The following SGO2 variants were observed in gnomAD, a reference collection of about 807,000 sequenced individuals.
SGO2 encodes shugoshin 2, also known as shugoshin-like 2.
A neutral mutation model predicts 99.5 loss-of-function variants in SGO2; 68 were observed. The ratio of observed to expected loss-of-function variants is 0.68; its 90% CI spans 0.56 to 0.84. The LOEUF is 0.84. Among genes scored for constraint, SGO2 ranks in the 40% least tolerant of loss-of-function variants. SGO2 has a pLI of 0.00. For synonymous variants in SGO2, 457 were observed against 487.1 expected (o/e 0.94, Z 0.81); for missense variants, 1,350 against 1,436.7 (o/e 0.94, Z 0.97).
In SGO2 at chr2:200,571,337, G is replaced by A. The variant is rs1238883548; in HGVS notation, c.991G>A (p.Gly331Ser). 1 of 1,612,758 alleles carries A rather than the reference G, an allele frequency of 6.2e-7. No individual in the cohort carries two copies. The highest frequency in any genetic ancestry group is 1.1e-5 in the South Asian group (1 of 91,020). ...GCAAAGAAATAAACAGGATCTTCCT[G>A]GCTTATCTTCTGAGTCTGCCAGAGA... ...EMQRNKQDLP[G>S]LSSESAREPN... The change falls in exon 7 of 9, where the codon GGC (glycine) becomes AGC (serine). Residue 331 changes from glycine (G) to serine (S), a missense_variant. Gly to Ser is a moderately conservative substitution (Grantham distance 56). Coordinates refer to ENST00000357799, the MANE Select transcript of SGO2 (RefSeq NM_152524.6).
At chr2:200,531,418 A>G (rs1199834443) in intron 1 of SGO2, among the ~76,000 whole-genome samples, 1 of 152,160 alleles carries the variant, frequency 6.6e-6, no homozygotes, top group Non-Finnish European at 1.5e-5. Flanking sequence ...AGGGAAGATG[A>G]ATGGTCTGCA....
chr2:200,543,292 A>G (rs2032052530), intron 5 of SGO2: 4 of 152,308 alleles, frequency 2.6e-5, no homozygotes, highest in Admixed American at 2.6e-4. Context: ...CGACAGAGCA[A>G]GACTCTGTCT....
chr2:200,536,621 C>T (rs1287265875), intron 4 of SGO2, among the ~76,000 whole-genome samples: 1 of 152,110 alleles, frequency 6.6e-6, no homozygotes, highest in African/African-American at 2.4e-5. Flanking sequence ...CTGAGGTCAA[C>T]ATCTAGATTA....
At position 200,526,768 on chromosome 2, in the gene SGO2, A is replaced by G. The variant is rs999576; in HGVS notation, c.-3+516A>G. ...AGGATTTCAGTAGAGAATAGGGACA[A>G]TGATTTTTTAGATGAGGTATCCAAT... On this transcript the variant is annotated intron_variant, in intron 1 of 8. Coordinates refer to ENST00000357799, the MANE Select transcript of SGO2 (RefSeq NM_152524.6). This position sits in a 1 kb window ranked among gnomAD's most constrained non-coding sequence, Gnocchi z 4.8. Among the ~76,000 whole-genome samples the G allele has an allele frequency of 0.22, 33,251 of 151,954 alleles. 3,855 individuals are homozygous for G. The highest frequency in any genetic ancestry group is 0.3 in the Middle Eastern group (88 of 292).
At chr2:200,579,719 G>A (rs1355061192) in intron 8 of SGO2, among the ~76,000 whole-genome samples, 11 of 152,078 alleles carry the variant, frequency 7.2e-5, no homozygotes, top group Admixed American at 7.2e-4. Flanking sequence ...ACTTGATCAC[G>A]GAGTATGTTT....
At chr2:200,552,549 A>T (rs1310820024) in intron 5 of SGO2, among the ~76,000 whole-genome samples, 17 of 152,172 alleles carry the variant, frequency 1.1e-4, no homozygotes, top group Non-Finnish European at 2.9e-5. Flanking sequence ...TCTAGGAAGG[A>T]GGTGGGCAAT....
chr2:200,544,672 T>G (rs2032123006), intron 5 of SGO2, among the ~76,000 whole-genome samples: 1 of 150,604 alleles, frequency 6.6e-6, no homozygotes, highest in South Asian at 2.1e-4. Flanking sequence ...GTATATAGTG[T>G]GGAGTAGAAT....
chr2:200,529,291 T>A (rs190272308), intron 1 of SGO2, among the ~76,000 whole-genome samples: 1 of 152,334 alleles, frequency 6.6e-6, no homozygotes, highest in Admixed American at 6.5e-5. Flanking sequence ...GTTTTTAGTT[T>A]CTAAGACTTA....
In SGO2 at chr2:200,563,472, A is replaced by G. The variant is rs531804008; in HGVS notation, c.474-6191A>G. On this transcript the variant is annotated intron_variant, in intron 5 of 8. Transcript: ENST00000357799. ...GGATTTGGTTTGCCAGTATTTTATT[A>G]AGGATTCTTGCATCGATGTTCATCA... Among the ~76,000 whole-genome samples, 231 of 152,280 alleles carry G rather than the reference A, an allele frequency of 1.5e-3. 1 individual carries two copies. Among genetic ancestry groups the G allele is most frequent in the African/African-American group, 5.2e-3 (217 of 41,570 alleles).
intron 5 of SGO2, among the ~76,000 whole-genome samples, chr2:200,550,659 A>G (rs937709720): frequency 1.3e-5 from 2 of 152,178 alleles, no homozygotes; most frequent in Admixed American, 1.3e-4. Flanking sequence ...CTAGACTCCT[A>G]TCTCTCACCA....
intron 5 of SGO2, 40 bp from the exon 6 acceptor site, chr2:200,569,623 A>G: frequency 2.0e-6 from 3 of 1,471,142 alleles, no homozygotes; most frequent in Non-Finnish European, 2.8e-6. Context: ...GAAAATTTAT[A>G]AAACACATAA....
chr2:200,534,643 G>A (rs904539630), intron 2 of SGO2, among the ~76,000 whole-genome samples: 2 of 152,166 alleles, frequency 1.3e-5, no homozygotes, highest in African/African-American at 2.4e-5. Context: ...TCTCCATTCT[G>A]TCTGCTAGTC....
intron 2 of SGO2, among the ~76,000 whole-genome samples, 167 bp from the exon 3 acceptor site, chr2:200,534,829 C>G (rs533425110): frequency 6.6e-6 from 1 of 152,164 alleles, no homozygotes; most frequent in Non-Finnish European, 1.5e-5. Context: ...TTCCTCACCT[C>G]TAAACTCTGG....
At chr2:200,530,686 CAT>C (rs2031329503) in intron 1 of SGO2, among the ~76,000 whole-genome samples, 1 of 152,144 alleles carries the variant, frequency 6.6e-6, no homozygotes, top group Admixed American at 6.5e-5. Flanking sequence ...AGGAAAAAAA[CAT>C]AGGCGTTTGA....
Position 200,533,112 on chromosome 2 carries a change from A to G in SGO2, c.133+4A>G. 1.3e-6 allele frequency: 2 copies of G among 1,569,446 alleles called. No individual in the cohort carries two copies. Among genetic ancestry groups the G allele is most frequent in the Non-Finnish European group, 1.7e-6 (2 of 1,164,356 alleles). On this transcript the variant is annotated splice_donor_region_variant and intron_variant, in intron 2 of 8. Coordinates refer to ENST00000357799, the MANE Select transcript of SGO2 (RefSeq NM_152524.6). ...AAAATAAAAACAAAAATACTAAGTA[A>G]GTGCCATCAGTTTTAAAATACACTC...
chr2:200,538,411 C>T (rs912333676), intron 4 of SGO2, among the ~76,000 whole-genome samples: 3 of 152,138 alleles, frequency 2.0e-5, no homozygotes, highest in Admixed American at 6.5e-5. Flanking sequence ...CCTTCCCTAG[C>T]AACTCTGCAT....
In SGO2 at chr2:200,571,124, C is replaced by T. The variant is rs764094033; in HGVS notation, c.778C>T (p.Arg260Cys). 1.2e-6 allele frequency: 2 copies of T among 1,613,334 alleles called. No homozygotes were observed. Among genetic ancestry groups the T allele is most frequent in the African/African-American group, 1.3e-5 (1 of 74,966 alleles). Residue 260 changes from arginine (R) to cysteine (C), a missense_variant, in exon 7 of 9, where the codon CGC (arginine) becomes TGC (cysteine). Physicochemically the swap from Arg to Cys is radical, Grantham distance 180 (BLOSUM62 -3). Coordinates refer to ENST00000357799, the MANE Select transcript of SGO2 (RefSeq NM_152524.6). The stretch of plus-strand genomic sequence containing the variant: ...GATGAGAAACGCCCAGTCTATTGGC[C>T]GCAGATGGGAGAAACCATCTCCTAG... ...SEMRNAQSIGRRWEKPSPSNV... is the reference protein window; with the variant it reads ...SEMRNAQSIGCRWEKPSPSNV...
chr2:200,545,654 C>A (rs1559203671), intron 5 of SGO2, among the ~76,000 whole-genome samples: 1 of 152,174 alleles, frequency 6.6e-6, no homozygotes. Flanking sequence ...AAACTCTGAG[C>A]AGATGGTAGG....
rs1553562331 is a variant in SGO2, at chr2:200,570,478, A to AT, written c.704-571dup. On this transcript the variant is annotated intron_variant, in intron 6 of 8. Coordinates refer to ENST00000357799, the MANE Select transcript of SGO2 (RefSeq NM_152524.6). This position sits in a 1 kb window ranked among gnomAD's most constrained non-coding sequence, Gnocchi z 4.4. ...TTAGAATTGTTTTTCCTTTCTGAAA[A>AT]TGTGTGTGTGTGTGTGTGTGTGTGT... 1.4e-5 allele frequency among the ~76,000 whole-genome samples: 2 copies of AT among 142,762 alleles called. No homozygotes were observed. The highest frequency in any genetic ancestry group is 1.4e-4 in the Admixed American group (2 of 14,078). 93.7% of individuals were successfully genotyped at this position (142,762 alleles called of 152,430 possible).
Sources: allele counts gnomAD v4.1 joint callset (sites outside exome capture counted in the v4.1 genomes callset), GRCh38; gene constraint gnomAD v4.1.1; non-coding constraint Gnocchi (gnomAD v3.1); transcripts MANE v1.5; gene names NCBI Gene and HGNC (gene_info 2026-07-23, HGNC 2026-07-21).